The following F11 variants were observed in gnomAD, a reference collection of about 807,000 sequenced individuals.
F11 encodes coagualtion factor XI.
A neutral mutation model predicts 76.5 loss-of-function variants in F11; 78 were observed. The observed-to-expected ratio is 1.02, with a 90% CI of 0.85 to 1.23. F11 has a LOEUF of 1.23. Among genes scored for constraint, F11 ranks in the 50% most tolerant of loss-of-function variants. F11 has a pLI of 0.00. For missense variants in F11, 742 were observed against 771.4 expected (o/e 0.96, Z 0.45); for synonymous variants, 278 against 276.3 (o/e 1.01, Z -0.06).
At position 186,286,424 on chromosome 4, in the gene F11, G is replaced by T. The variant is rs763695404; in HGVS notation, c.1490G>T (p.Arg497Leu). 3 of 1,613,526 alleles carry T rather than the reference G, an allele frequency of 1.9e-6. No individual in the cohort carries two copies. Among genetic ancestry groups the T allele is most frequent in the South Asian group, 2.2e-5 (2 of 91,006 alleles). ...ETTVNYTDSQRPICLPSKGDR... is the reference protein window; with the variant it reads ...ETTVNYTDSQLPICLPSKGDR... ...GATTTTTTAAATTTAGATTCTCAAC[G>T]ACCCATATGCCTGCCTTCCAAAGGA... The change falls in exon 13 of 15, where the codon CGA becomes CTA. Residue 497 changes from arginine (R) to leucine (L), a missense_variant. Coordinates refer to ENST00000403665, the MANE Select transcript of F11 (RefSeq NM_000128.4).
Position 186,271,612 on chromosome 4 carries a change from G to A in F11, c.59G>A (p.Cys20Tyr). ...FILFTSVSGE[C>Y]VTQLLKDTCF... ...CATGCCATGTACTACATCACAGAATGTGTGACTCAGTTGTTGAAGGACACC... is the reference window on the plus strand; with the variant it reads ...CATGCCATGTACTACATCACAGAATATGTGACTCAGTTGTTGAAGGACACC... Residue 20 changes from cysteine to tyrosine, a missense_variant, in exon 3 of 15, where the codon TGT becomes TAT. Coordinates refer to ENST00000403665, the MANE Select transcript of F11 (RefSeq NM_000128.4). The A allele has an allele frequency of 6.2e-7, 1 of 1,614,114 alleles. No homozygotes were observed. The highest frequency in any genetic ancestry group is 8.5e-7 in the Non-Finnish European group (1 of 1,179,986).
chr4:186,270,319 C>T (rs556511338), intron 2 of F11, among the ~76,000 whole-genome samples: 1 of 152,300 alleles, frequency 6.6e-6, no homozygotes, highest in South Asian at 2.1e-4. Context: ...CTCAAACAAC[C>T]TTGACGTGAA....
In F11 at chr4:186,288,454, G is replaced by A. The variant is rs754109115; in HGVS notation, c.1718G>A (p.Gly573Glu). 2.5e-6 allele frequency: 4 copies of A among 1,613,970 alleles called. No individual in the cohort carries two copies. The highest frequency in any genetic ancestry group is 1.6e-4 in the Middle Eastern group (1 of 6,082). The change falls in exon 15 of 15, where the codon GGA becomes GAA. Residue 573 changes from glycine (G) to glutamate (E), a missense_variant and splice_region_variant. By Grantham distance (98) the Gly-to-Glu change is moderately conservative. Coordinates refer to ENST00000403665, the MANE Select transcript of F11 (RefSeq NM_000128.4). ...YREGGKDACK[G>E]DSGGPLSCKH... is the part of the protein sequence containing the mutation. The stretch of plus-strand genomic sequence containing the variant: ...TTTTCTTGTCTCCCCTCGTTCTAGG[G>A]AGATTCGGGAGGCCCTCTGTCCTGC...
rs1741210945 is a variant in F11 at position 186,286,427 on chromosome 4, C to A, written c.1493C>A (p.Pro498His). 1 of 1,613,776 alleles carries A rather than the reference C, an allele frequency of 6.2e-7. No homozygotes were observed. Among genetic ancestry groups the A allele is most frequent in the South Asian group, 1.1e-5 (1 of 91,060 alleles). ...TTTTTAAATTTAGATTCTCAACGAC[C>A]CATATGCCTGCCTTCCAAAGGAGAT... ...TTVNYTDSQRPICLPSKGDRN... is the reference protein window; with the variant it reads ...TTVNYTDSQRHICLPSKGDRN... Residue 498 changes from proline to histidine, a missense_variant, in exon 13 of 15, where the codon CCC becomes CAC. Pro to His is a moderately conservative substitution (Grantham distance 77). Coordinates refer to ENST00000403665, the MANE Select transcript of F11 (RefSeq NM_000128.4).
intron 5 of F11, among the ~76,000 whole-genome samples, 175 bp from the exon 6 acceptor site, chr4:186,275,612 C>G (rs567322997): frequency 8.5e-5 from 13 of 152,314 alleles, no homozygotes; most frequent in Middle Eastern, 6.8e-3. Context: ...TAAACTTACA[C>G]AATTCACAGG....
chr4:186,279,463 C>T (rs150554377), intron 7 of F11, among the ~76,000 whole-genome samples: 323 of 152,268 alleles, frequency 2.1e-3, no homozygotes, highest in East Asian at 0.015. Flanking sequence ...CCAATAGCCA[C>T]ATGTAGTTGG....
rs754211264 is a variant in F11, at chr4:186,274,186, T to C, written c.396T>C (p.Ser132=). The change falls in exon 5 of 15, where the codon AGT becomes AGC. Residue 132 remains serine (S), a synonymous_variant. Transcript: ENST00000403665. ...ACTATAACAGCTCAGTTGCCAAGAG[T>C]GCTCAAGAATGCCAAGAAAGATGCA... ...GINYNSSVAK[S]AQECQERCTD... 2 of 1,614,050 alleles carry C rather than the reference T, an allele frequency of 1.2e-6. No homozygotes were observed. The highest frequency in any genetic ancestry group is 8.5e-7 in the Non-Finnish European group (1 of 1,180,008).
At chr4:186,274,517 T>A in intron 5 of F11, 3 of 543,186 alleles carry the variant, frequency 5.5e-6, no homozygotes, top group Non-Finnish European at 9.8e-6. Flanking sequence ...CTTGGCTAAT[T>A]TCAAAAGCGC....
intron 7 of F11, among the ~76,000 whole-genome samples, chr4:186,278,528 G>A (rs1453192932): frequency 2.0e-5 from 3 of 152,188 alleles, no homozygotes; most frequent in Admixed American, 6.5e-5. Flanking sequence ...TGACCAGATC[G>A]ATCTGTGTTA....
intron 13 of F11, chr4:186,287,444 C>T: frequency 6.0e-6 from 1 of 166,768 alleles, no homozygotes; most frequent in Non-Finnish European, 1.2e-5. Context: ...ATTAGCTGGG[C>T]ATGGTGGTGT....
At chr4:186,268,077 C>T (rs987400876) in intron 2 of F11, among the ~76,000 whole-genome samples, 1 of 152,140 alleles carries the variant, frequency 6.6e-6, no homozygotes. Context: ...ACTACATAAA[C>T]AATTGACCCT....
intron 10 of F11, chr4:186,282,744 T>C (rs1316173007): frequency 1.0e-6 from 1 of 985,250 alleles, no homozygotes; most frequent in Non-Finnish European, 1.2e-6. Flanking sequence ...TGTTCACCCT[T>C]CCGGCTCTAA....
At chr4:186,283,911 A>T in intron 10 of F11, 181 bp from the exon 11 acceptor site, 1 of 321,074 alleles carries the variant, frequency 3.1e-6, no homozygotes, top group Non-Finnish European at 4.5e-6. Context: ...AAGATGACTT[A>T]GTCAATTCCA....
chr4:186,290,071 G>A (rs1162581087), downstream of F11, among the ~76,000 whole-genome samples: 1 of 151,684 alleles, frequency 6.6e-6, no homozygotes, highest in Admixed American at 6.6e-5. Flanking sequence ...CTGGCTTCAT[G>A]AAGATTATAC....
chr4:186,269,578 G>T (rs1281133283), intron 2 of F11, among the ~76,000 whole-genome samples: 1 of 152,158 alleles, frequency 6.6e-6, no homozygotes, highest in Non-Finnish European at 1.5e-5. Flanking sequence ...TAGAACAGAG[G>T]TTGCCAGGGG....
chr4:186,270,029 G>T (rs1409376708), intron 2 of F11, among the ~76,000 whole-genome samples: 1 of 152,158 alleles, frequency 6.6e-6, no homozygotes, highest in African/African-American at 2.4e-5. Context: ...ATTTACTCTT[G>T]ACTGGAGGTA....
In F11 at chr4:186,288,460, C is replaced by A. The variant is rs281875250; in HGVS notation, c.1724C>A (p.Ser575Ter). ...EGGKDACKGD[S>*]GGPLSCKHNE... is the part of the protein sequence containing the mutation. ...TGTCTCCCCTCGTTCTAGGGAGATT[C>A]GGGAGGCCCTCTGTCCTGCAAACAC... Residue 575 changes from serine to a stop codon, truncating the protein, a stop_gained, in exon 15 of 15, where the codon TCG (serine) becomes TAG (stop). Transcript: ENST00000403665. LOFTEE classifies it high-confidence loss of function. 1 of 1,614,032 alleles carries A rather than the reference C, an allele frequency of 6.2e-7. No homozygotes were observed. Among genetic ancestry groups the A allele is most frequent in the South Asian group, 1.1e-5 (1 of 91,062 alleles).
intron 9 of F11, 23 bp from the exon 10 acceptor site, chr4:186,280,451 T>C (rs1315803004): frequency 2.5e-6 from 4 of 1,614,166 alleles, no homozygotes; most frequent in Non-Finnish European, 3.4e-6. Context: ...ATTATGTTTA[T>C]ACCGTTTTGT....
At position 186,287,685 on chromosome 4, in the gene F11, C is replaced by G. The variant is rs281875263; in HGVS notation, c.1578C>G (p.Asp526Glu). The change falls in exon 14 of 15, where the codon GAC (aspartate) becomes GAG (glutamate). Residue 526 changes from aspartate to glutamate, a missense_variant and splice_region_variant. Physicochemically the swap from Asp to Glu is conservative, Grantham distance 45 (BLOSUM62 2). Coordinates refer to ENST00000403665, the MANE Select transcript of F11 (RefSeq NM_000128.4). The stretch of plus-strand genomic sequence containing the variant: ...ACGAACCAAAAAAATTTTTTTCAGA[C>G]AAAATACAAAATACTCTCCAGAAAG... ...VTGWGYRKLRDKIQNTLQKAK... is the reference protein window; with the variant it reads ...VTGWGYRKLREKIQNTLQKAK... 1.1e-5 allele frequency: 17 copies of G among 1,609,150 alleles called. No individual in the cohort carries two copies. In the East Asian group the frequency reaches 2.0e-4, roughly 19 times the overall value.
Sources: gnomAD v4.1 joint callset for allele counts (sites outside exome capture counted in the v4.1 genomes callset) on GRCh38, gnomAD v4.1.1 for gene constraint, MANE v1.5 for transcripts, NCBI Gene and HGNC (gene_info 2026-07-23, HGNC 2026-07-21) for gene names.